The following RILPL1 variants were observed in gnomAD, a reference collection of about 807,000 sequenced individuals.
RILPL1 encodes the protein RILP-like protein 1.
A neutral mutation model predicts 50.3 loss-of-function variants in RILPL1; 33 were observed. The observed-to-expected ratio is 0.66, with a 90% CI of 0.50 to 0.88. RILPL1 has a LOEUF of 0.88. Ranked by LOEUF, RILPL1 falls within the 40% of genes least tolerant of loss-of-function variation. The pLI is 0.00. For synonymous variants in RILPL1, 205 were observed against 228.6 expected, an observed-to-expected ratio of 0.90 and a Z score of 0.93; for missense variants, 418 against 542.5, an observed-to-expected ratio of 0.77 and a Z score of 2.28.
chr12:123,477,239 A>T (rs1213781655), intron 6 of RILPL1, among the ~76,000 whole-genome samples: 1 of 152,176 alleles, frequency 6.6e-6, no homozygotes, highest in Non-Finnish European at 1.5e-5. Context: ...TAATTGTCTC[A>T]AATGAGGTTT....
chr12:123,519,540 A>C (rs901294308), intron 2 of RILPL1: 3 of 152,214 alleles, frequency 2.0e-5, no homozygotes, highest in Non-Finnish European at 4.4e-5. Context: ...CCCCCCACAT[A>C]GGAATCGGAC....
At chr12:123,487,128 T>C (rs1019669298) in intron 4 of RILPL1, among the ~76,000 whole-genome samples, 3 of 152,146 alleles carry the variant, frequency 2.0e-5, no homozygotes, top group Non-Finnish European at 4.4e-5. Flanking sequence ...GCAGTCACTC[T>C]CTACTTCCCT....
intron 6 of RILPL1, among the ~76,000 whole-genome samples, chr12:123,481,216 G>C (rs1183812532): frequency 6.6e-6 from 1 of 152,118 alleles, no homozygotes; most frequent in Non-Finnish European, 1.5e-5. Context: ...ACTTAGCCGG[G>C]CGTAGAGGCA....
intron 6 of RILPL1, chr12:123,472,920 T>C: frequency 2.1e-6 from 1 of 487,782 alleles, no homozygotes; most frequent in Non-Finnish European, 3.7e-6. Context: ...GCATGCATGC[T>C]GATGTGATGT....
intron 2 of RILPL1, among the ~76,000 whole-genome samples, chr12:123,512,296 GT>G: frequency 1.6e-3 from 1 of 634 alleles, no homozygotes; most frequent in South Asian, 0.062. Flanking sequence ...TGAGGTCTGT[GT>G]GGAGGTCTGT....
At chr12:123,517,005 T>C (rs1041777861) in intron 2 of RILPL1, among the ~76,000 whole-genome samples, 4 of 151,412 alleles carry the variant, frequency 2.6e-5, no homozygotes, top group Admixed American at 2.6e-4. Context: ...GAGGAGGAGG[T>C]TGCAGTGAGC....
chr12:123,498,667 C>T lies in RILPL1; in HGVS notation c.678G>A (p.Lys226=). The stretch of plus-strand genomic sequence containing the variant: ...TCTGCAGGTCTGCCTCCAGCTCCAC[C>T]TTCTGTTCGATCAGGGCTTTCCCCT... ...EAQGKALIEQ[K]VELEADLQTK... The change falls in exon 4 of 7, where the codon AAG becomes AAA. Residue 226 remains lysine (K), a synonymous_variant. Transcript: ENST00000376874. The surrounding 1 kb of genome is among the most constrained non-coding windows in gnomAD (Gnocchi z 4.3). The T allele has an allele frequency of 1.2e-6, 2 of 1,613,800 alleles. No homozygotes were observed. The highest frequency in any genetic ancestry group is 1.7e-6 in the Non-Finnish European group (2 of 1,179,892).
chr12:123,510,971 GTGTGTGT>G (rs1884107527), intron 2 of RILPL1, among the ~76,000 whole-genome samples: 2 of 144,078 alleles, frequency 1.4e-5, no homozygotes, highest in East Asian at 2.1e-4. Context: ...TGAGGTCTGT[GTGTGTGT>G]GGTGTGTGTG....
chr12:123,522,585 A>G lies in RILPL1; in HGVS notation c.460+910T>C, dbSNP rs1331614501. ...TCATTTCCAGCCTCCTGAGGCCTCAATCATCTTCTGACACACTAGCCTTCT... is the reference window on the plus strand; with the variant it reads ...TCATTTCCAGCCTCCTGAGGCCTCAGTCATCTTCTGACACACTAGCCTTCT... On this transcript the variant is annotated intron_variant, in intron 2 of 6. Coordinates refer to ENST00000376874, the MANE Select transcript of RILPL1 (RefSeq NM_178314.5). This position sits in a 1 kb window ranked among gnomAD's most constrained non-coding sequence, Gnocchi z 4.0. Among the ~76,000 whole-genome samples the G allele has an allele frequency of 6.6e-6, 1 of 151,990 alleles. No homozygotes were observed. The highest frequency in any genetic ancestry group is 2.4e-5 in the African/African-American group (1 of 41,390).
At chr12:123,483,130 G>A (rs1310730375) in intron 6 of RILPL1, among the ~76,000 whole-genome samples, 2 of 152,222 alleles carry the variant, frequency 1.3e-5, no homozygotes, top group Non-Finnish European at 2.9e-5. Flanking sequence ...TTGGAGGAAA[G>A]AACTGAAACC....
chr12:123,522,228 G>T lies in RILPL1; in HGVS notation c.460+1267C>A, dbSNP rs1885093570. ...ATTGACTCTGAGCTTTCCTTGGGGTGAGCTGCAGGAGGCACCCCTGCTTTA... is the reference window on the plus strand; with the variant it reads ...ATTGACTCTGAGCTTTCCTTGGGGTTAGCTGCAGGAGGCACCCCTGCTTTA... On this transcript the variant is annotated intron_variant, in intron 2 of 6. Coordinates refer to ENST00000376874, the MANE Select transcript of RILPL1 (RefSeq NM_178314.5). This position sits in a 1 kb window ranked among gnomAD's most constrained non-coding sequence, Gnocchi z 4.0. Among the ~76,000 whole-genome samples, 1 of 152,228 alleles carries T rather than the reference G, an allele frequency of 6.6e-6. No homozygotes were observed. Among genetic ancestry groups the T allele is most frequent in the African/African-American group, 2.4e-5 (1 of 41,470 alleles).
At chr12:123,532,937 A>G (rs559341130) in intron 1 of RILPL1, among the ~76,000 whole-genome samples, 1 of 152,194 alleles carries the variant, frequency 6.6e-6, no homozygotes, top group East Asian at 1.9e-4. Flanking sequence ...CAGCTATTAA[A>G]CGGTAAAGGT....
intron 6 of RILPL1, among the ~76,000 whole-genome samples, chr12:123,481,912 TCAGAGGCTGGAGTA>T (rs980675309): frequency 6.7e-6 from 1 of 150,262 alleles, no homozygotes; most frequent in Non-Finnish European, 1.5e-5. Context: ...GCTCTGTCGC[TCAGAGGCTGGAGTA>T]CAATGGCACA....
chr12:123,498,718 C>G lies in RILPL1; in HGVS notation c.627G>C (p.Arg209=), dbSNP rs778435198. 3 of 1,613,572 alleles carry G rather than the reference C, an allele frequency of 1.9e-6. No homozygotes were observed. The highest frequency in any genetic ancestry group is 2.5e-6 in the Non-Finnish European group (3 of 1,179,884). Reference sequence around the variant, plus strand: ...GGGCCTCCACCACCGTGACCCGGTGCCGAAGGTCATGGTTGATCTTCATCA... The same window carrying G: ...GGGCCTCCACCACCGTGACCCGGTGGCGAAGGTCATGGTTGATCTTCATCA... ...TRLMKINHDL[R]HRVTVVEAQG... Residue 209 remains arginine (R), a synonymous_variant, in exon 4 of 7, where the codon CGG becomes CGC. Transcript: ENST00000376874. This position sits in a 1 kb window ranked among gnomAD's most constrained non-coding sequence, Gnocchi z 4.3.
intron 6 of RILPL1, among the ~76,000 whole-genome samples, chr12:123,482,458 A>G (rs939481135): frequency 6.6e-6 from 1 of 152,002 alleles, no homozygotes; most frequent in African/African-American, 2.4e-5. Context: ...ATTTTTTTGT[A>G]GAGACAGAGT....
At chr12:123,511,962 A>G (rs1157869024) in intron 2 of RILPL1, among the ~76,000 whole-genome samples, 14 of 46,036 alleles carry the variant, frequency 3.0e-4, no homozygotes, top group East Asian at 7.5e-4. Context: ...GTGGTGTGAG[A>G]TCTGTGTGTG....
In RILPL1 at chr12:123,522,647, G is replaced by A. The variant is rs1033196066; in HGVS notation, c.460+848C>T. ...ATCTTACTGTCGCTCAGGCTGTAGCGCAGTGGTATGATCTCAGCTCACTGT... is the reference window on the plus strand; with the variant it reads ...ATCTTACTGTCGCTCAGGCTGTAGCACAGTGGTATGATCTCAGCTCACTGT... On this transcript the variant is annotated intron_variant, in intron 2 of 6. Transcript: ENST00000376874. The surrounding 1 kb of genome is among the most constrained non-coding windows in gnomAD (Gnocchi z 4.0). 9.2e-5 allele frequency among the ~76,000 whole-genome samples: 14 copies of A among 152,070 alleles called. No homozygotes were observed. The highest frequency in any genetic ancestry group is 3.9e-4 in the Admixed American group (6 of 15,258).
Position 123,506,137 on chromosome 12 carries a change from C to T in RILPL1, c.461-6601G>A, listed in dbSNP as rs143286700. On this transcript the variant is annotated intron_variant, in intron 2 of 6. Transcript: ENST00000376874. ...CCCCATGCAGACCATGGGTGCAGGG[C>T]AGGCCTCTCAGGGCAGGGGTCATTT... Among the ~76,000 whole-genome samples, 608 of 152,318 alleles carry T rather than the reference C, an allele frequency of 4.0e-3. 4 individuals are homozygous for T. Among genetic ancestry groups the T allele is most frequent in the African/African-American group, 0.014 (586 of 41,566 alleles).
At chr12:123,500,091 C>T (rs1207390011) in intron 2 of RILPL1, among the ~76,000 whole-genome samples, 2 of 151,950 alleles carry the variant, frequency 1.3e-5, no homozygotes, top group African/African-American at 4.8e-5. Context: ...CCACCACGCC[C>T]GGCTAAATTT....
Sources: gnomAD v4.1 joint callset for allele counts (sites outside exome capture counted in the v4.1 genomes callset) on GRCh38, gnomAD v4.1.1 for gene constraint, Gnocchi (gnomAD v3.1) non-coding constraint, MANE v1.5 for transcripts, NCBI Gene and HGNC (gene_info 2026-07-23, HGNC 2026-07-21) for gene names.